The following MBD2 variants were observed in gnomAD, a reference collection of about 807,000 sequenced individuals.
MBD2 encodes methyl-CpG-binding domain protein 2.
MBD2 carries 9 observed loss-of-function variants against 39.3 expected under a neutral mutation model. The observed-to-expected ratio is 0.23, with a 90% CI of 0.14 to 0.40. The LOEUF (loss-of-function observed/expected upper bound fraction) is 0.40. Among genes scored for constraint, MBD2 ranks in the 10% least tolerant of loss-of-function variants. The pLI, the probability that MBD2 is intolerant of heterozygous loss-of-function variation, is 1.00. For missense variants in MBD2, 458 were observed against 532.6 expected (o/e 0.86, Z 1.38); for synonymous variants, 233 against 211.1 (o/e 1.10, Z -0.90).
chr18:54,205,218 T>C, intron 1 of MBD2, 61 bp from the exon 2 acceptor site: 1 of 1,421,126 alleles, frequency 7.0e-7, no homozygotes, highest in Non-Finnish European at 9.7e-7. Flanking sequence ...AAGCCTTTTC[T>C]TCATGTCTTC....
In MBD2 at chr18:54,206,857, G is replaced by A. The variant is rs368447378; in HGVS notation, c.543-1700C>T. Among the ~76,000 whole-genome samples, 81 of 152,252 alleles carry A rather than the reference G, an allele frequency of 5.3e-4. 1 individual carries two copies. In the South Asian group the frequency reaches 0.013, roughly 25 times the overall value. On this transcript the variant is annotated intron_variant, in intron 1 of 6. Coordinates refer to ENST00000256429, the MANE Select transcript of MBD2 (RefSeq NM_003927.5). ...TCTAACCTAGACTTCCAGAATACTC[G>A]GTATCACAAAATAAAATAGCAAGTC...
At chr18:54,194,392 C>G (rs1430994789) in intron 2 of MBD2, among the ~76,000 whole-genome samples, 1 of 151,926 alleles carries the variant, frequency 6.6e-6, no homozygotes, top group Non-Finnish European at 1.5e-5. Context: ...ACCTGATAAT[C>G]TTTCACTGAT....
chr18:54,181,367 TTTA>T (rs1288485302), intron 3 of MBD2, among the ~76,000 whole-genome samples: 1 of 152,204 alleles, frequency 6.6e-6, no homozygotes, highest in African/African-American at 2.4e-5. Context: ...AAATTCATAT[TTTA>T]TTATTTTTAA....
chr18:54,205,505 C>T (rs929449836), intron 1 of MBD2, among the ~76,000 whole-genome samples: 1 of 150,402 alleles, frequency 6.6e-6, no homozygotes, highest in African/African-American at 2.5e-5. Flanking sequence ...GCAGGAGAAT[C>T]GCTTGAACTC....
chr18:54,161,722 A>G (rs999778852), intron 5 of MBD2, among the ~76,000 whole-genome samples: 2 of 152,200 alleles, frequency 1.3e-5, no homozygotes, highest in Non-Finnish European at 2.9e-5. Flanking sequence ...CTGTAGGCAG[A>G]ATTGTAAGAT....
At position 54,151,844 on chromosome 18, in the gene MBD2, A is replaced by C. The variant is rs1458241320; in HGVS notation, c.*3480T>G. ...CCTCTTTAGACCAAAAAAAAAAAAA[A>C]AAACACCCTGGAAGCCACCAAGGGC... On this transcript the variant is annotated 3_prime_UTR_variant, in exon 7 of 7. Transcript: ENST00000256429. 6.6e-6 allele frequency: 1 copy of C among 151,566 alleles called. No individual in the cohort carries two copies. Among genetic ancestry groups the C allele is most frequent in the African/African-American group, 2.4e-5 (1 of 41,300 alleles). 9.4% of individuals were successfully genotyped at this position (151,566 alleles called of 1,614,324 possible).
chr18:54,187,664 T>C, intron 3 of MBD2: 2 of 985,598 alleles, frequency 2.0e-6, no homozygotes, highest in Non-Finnish European at 2.4e-6. Context: ...GACAAGAGCC[T>C]AAAGGCACAT....
chr18:54,157,236 A>C (rs2086058712), intron 6 of MBD2, among the ~76,000 whole-genome samples: 1 of 152,180 alleles, frequency 6.6e-6, no homozygotes, highest in Non-Finnish European at 1.5e-5. Flanking sequence ...GAAAAGAGCT[A>C]AAACAGCACT....
At chr18:54,166,275 T>A (rs1471622103) in intron 3 of MBD2, 109 bp from the exon 4 acceptor site, 1 of 677,394 alleles carries the variant, frequency 1.5e-6, no homozygotes, top group Non-Finnish European at 2.6e-6. Flanking sequence ...TTCCTATAAT[T>A]TCCTCATTTT....
At chr18:54,189,846 C>G (rs2086308777) in intron 2 of MBD2, among the ~76,000 whole-genome samples, 1 of 151,782 alleles carries the variant, frequency 6.6e-6, no homozygotes, top group Non-Finnish European at 1.5e-5. Flanking sequence ...GATGGGGTCT[C>G]CCTACATTAC....
chr18:54,183,332 T>C (rs1174418339), intron 3 of MBD2, among the ~76,000 whole-genome samples: 1 of 152,112 alleles, frequency 6.6e-6, no homozygotes. Flanking sequence ...ACTGAAGCCA[T>C]GAGAATGAGT....
At chr18:54,178,750 T>C (rs938213670) in intron 3 of MBD2, among the ~76,000 whole-genome samples, 1 of 152,174 alleles carries the variant, frequency 6.6e-6, no homozygotes, top group Non-Finnish European at 1.5e-5. Context: ...TCAAAACTTG[T>C]TAGGAAAGGT....
intron 1 of MBD2, among the ~76,000 whole-genome samples, chr18:54,209,185 A>G (rs2086478654): frequency 6.6e-6 from 1 of 151,136 alleles, no homozygotes; most frequent in Non-Finnish European, 1.5e-5. Context: ...AATCCCTGCT[A>G]CTTGGGGAGG....
At chr18:54,165,031 G>T (rs1020747077) in intron 4 of MBD2, among the ~76,000 whole-genome samples, 3 of 152,166 alleles carry the variant, frequency 2.0e-5, no homozygotes, top group African/African-American at 7.2e-5. Flanking sequence ...CTTTTAAAAA[G>T]TTGGCTATAT....
At chr18:54,193,537 TTTC>T (rs1032306618) in intron 2 of MBD2, among the ~76,000 whole-genome samples, 24 of 148,930 alleles carry the variant, frequency 1.6e-4, no homozygotes, top group African/African-American at 5.8e-4. Flanking sequence ...AAAATAAATC[TTTC>T]TTATTTTTAA....
At chr18:54,197,814 G>GT (rs1347485233) in intron 2 of MBD2, among the ~76,000 whole-genome samples, 3 of 152,084 alleles carry the variant, frequency 2.0e-5, no homozygotes, top group Admixed American at 1.3e-4. Flanking sequence ...TTTGATTTCA[G>GT]TATCAAATTA....
At chr18:54,210,866 A>ATTTTTTTTTTTTTTTTTTTTT (rs74180457) in intron 1 of MBD2, among the ~76,000 whole-genome samples, 1 of 99,348 alleles carries the variant, frequency 1.0e-5, no homozygotes, top group Non-Finnish European at 1.9e-5. Context: ...TCAACTTTCT[A>ATTTTTTTTTTTTTTTTTTTTT]TTTTTTTTTT....
chr18:54,211,607 A>G (rs2086508444), intron 1 of MBD2, among the ~76,000 whole-genome samples: 1 of 151,986 alleles, frequency 6.6e-6, no homozygotes, highest in African/African-American at 2.4e-5. Context: ...ATCACTTCCT[A>G]AGTGATCACC....
intron 2 of MBD2, among the ~76,000 whole-genome samples, chr18:54,192,892 A>G (rs1471404670): frequency 6.6e-6 from 1 of 152,234 alleles, no homozygotes; most frequent in East Asian, 1.9e-4. Flanking sequence ...GTCTAATGAG[A>G]CAGTTCATTC....
Sources: gnomAD v4.1 joint callset for allele counts (sites outside exome capture counted in the v4.1 genomes callset) on GRCh38, gnomAD v4.1.1 for gene constraint, MANE v1.5 for transcripts, NCBI Gene and HGNC (gene_info 2026-07-23, HGNC 2026-07-21) for gene names.